STEAP4: variants seen among roughly 807,000 people sequenced by gnomAD.
The protein encoded by STEAP4 is STEAP4 metalloreductase, also known as metalloreductase STEAP4.
A neutral mutation model predicts 43.6 loss-of-function variants in STEAP4; 36 were observed. That is an observed-to-expected ratio of 0.83 (90% CI 0.63 to 1.09). The LOEUF (loss-of-function observed/expected upper bound fraction) is 1.09. Ranked by LOEUF, STEAP4 falls within the 50% of genes least tolerant of loss-of-function variation. STEAP4 has a pLI of 0.00. For missense variants in STEAP4, 495 were observed against 546.5 expected (o/e 0.91, Z 0.94); for synonymous variants, 191 against 196.7 (o/e 0.97, Z 0.24).
At chr7:88,301,632 C>T (rs111291734) in intron 1 of STEAP4, among the ~76,000 whole-genome samples, 372 of 151,676 alleles carry the variant, frequency 2.5e-3, no homozygotes, top group African/African-American at 8.3e-3. Flanking sequence ...CATCCTCTAC[C>T]TCCTGGGTTC....
At chr7:88,290,058 G>T (rs1262451073) in intron 1 of STEAP4, among the ~76,000 whole-genome samples, 1 of 152,070 alleles carries the variant, frequency 6.6e-6, no homozygotes, top group African/African-American at 2.4e-5. Context: ...TTTCATACTG[G>T]ATGAACATTT....
chr7:88,276,655 C>T lies in STEAP4; in HGVS notation c.*2743G>A, dbSNP rs943629701. The T allele has an allele frequency of 6.5e-6, 1 of 152,816 alleles. No individual in the cohort carries two copies. Among genetic ancestry groups the T allele is most frequent in the Non-Finnish European group, 1.5e-5 (1 of 68,026 alleles). 9.5% of individuals were successfully genotyped at this position (152,816 alleles called of 1,614,324 possible). A position where few individuals can be genotyped will look rare whatever the true frequency, so the allele number is the denominator to read the frequency against. On this transcript the variant is annotated 3_prime_UTR_variant, in exon 5 of 5. Coordinates refer to ENST00000380079, the MANE Select transcript of STEAP4 (RefSeq NM_024636.4). The stretch of plus-strand genomic sequence containing the variant: ...AGCACTTATTTTCATCTGTTGTAAA[C>T]TCATTCTTTCTACCTTAAGTAAACT...
At chr7:88,282,424 G>A in intron 3 of STEAP4, 1 of 568,046 alleles carries the variant, frequency 1.8e-6, no homozygotes, top group Non-Finnish European at 3.0e-6. Context: ...TGGGATTATG[G>A]GAGTGAGCCA....
At chr7:88,284,293 G>C (rs2115965104) in intron 1 of STEAP4, 22 bp from the exon 2 acceptor site, 1 of 1,481,902 alleles carries the variant, frequency 6.7e-7, no homozygotes, top group Non-Finnish European at 9.1e-7. Context: ...TAACACAAAT[G>C]CCCAACAAAA....
rs1852482951 is a variant in STEAP4, at chr7:88,274,525, G to GA, written c.*4872dup. 6.6e-6 allele frequency: 1 copy of GA among 152,158 alleles called. No homozygotes were observed. Among genetic ancestry groups the GA allele is most frequent in the Admixed American group, 6.5e-5 (1 of 15,280 alleles). The allele number at this position is 152,158 out of a possible 1,614,324, so 9.4% of individuals were successfully genotyped here. ...AGGAGAGGTAATGCATATGTTACCA[G>GA]AAAGGGGGTCCAATACAGACCCCAA... On this transcript the variant is annotated 3_prime_UTR_variant, in exon 5 of 5. Coordinates refer to ENST00000380079, the MANE Select transcript of STEAP4 (RefSeq NM_024636.4).
rs1424058606 is a variant in STEAP4, at chr7:88,272,006, T to A, written c.*7392A>T. On this transcript the variant is annotated 3_prime_UTR_variant, in exon 5 of 5. Coordinates refer to ENST00000380079, the MANE Select transcript of STEAP4 (RefSeq NM_024636.4). ...ACTCTTTGTATAGTTTCCAGCTGGT[T>A]GGTGTAGTAGTTGTAGTTGGCACTG... 1 of 152,206 alleles carries A rather than the reference T, an allele frequency of 6.6e-6. No homozygotes were observed. The highest frequency in any genetic ancestry group is 1.5e-5 in the Non-Finnish European group (1 of 68,042). The allele number at this position is 152,206 out of a possible 1,614,324, so 9.4% of individuals were successfully genotyped here. A position where few individuals can be genotyped will look rare whatever the true frequency, so the allele number is the denominator to read the frequency against.
intron 2 of STEAP4, 166 bp from the exon 3 acceptor site, chr7:88,283,334 T>C: frequency 2.6e-6 from 2 of 764,728 alleles, no homozygotes; most frequent in Non-Finnish European, 3.9e-6. Flanking sequence ...TTTAAACTTG[T>C]ATGTGGTGTC....
At position 88,278,149 on chromosome 7, in the gene STEAP4, C is replaced by T. The variant is rs1276427484; in HGVS notation, c.*1249G>A. The T allele has an allele frequency of 1.3e-5, 2 of 151,606 alleles. No homozygotes were observed. Among genetic ancestry groups the T allele is most frequent in the Non-Finnish European group, 2.9e-5 (2 of 67,960 alleles). The allele number at this position is 151,606 out of a possible 1,614,324, so 9.4% of individuals were successfully genotyped here. On this transcript the variant is annotated 3_prime_UTR_variant, in exon 5 of 5. Transcript: ENST00000380079. ...TATTTTGATATGTGGGAAGATCATG[C>T]ATAAGGCTCCTTTTAGCTCATTGCT...
intron 1 of STEAP4, among the ~76,000 whole-genome samples, chr7:88,285,735 C>T (rs576303554): frequency 6.4e-5 from 8 of 124,386 alleles, no homozygotes; most frequent in African/African-American, 1.3e-4. Context: ...CCAGCCTGGG[C>T]GACAGAGAGA....
intron 1 of STEAP4, among the ~76,000 whole-genome samples, chr7:88,297,042 G>T (rs890314360): frequency 9.2e-5 from 14 of 152,136 alleles, no homozygotes; most frequent in Non-Finnish European, 1.5e-4. Context: ...AGTGCTGTTT[G>T]CAAGGGCAAT....
chr7:88,296,739 C>T (rs765050584), intron 1 of STEAP4, among the ~76,000 whole-genome samples: 85 of 152,150 alleles, frequency 5.6e-4, no homozygotes, highest in Middle Eastern at 6.8e-3. Flanking sequence ...AAAACACAAA[C>T]GTATCCAATT....
At chr7:88,285,716 C>T (rs1586746120) in intron 1 of STEAP4, among the ~76,000 whole-genome samples, 1 of 135,398 alleles carries the variant, frequency 7.4e-6, no homozygotes. Flanking sequence ...CTCAGGAGGC[C>T]ACAGCACTCC....
chr7:88,298,084 C>T (rs1852956757), intron 1 of STEAP4, among the ~76,000 whole-genome samples: 1 of 151,966 alleles, frequency 6.6e-6, no homozygotes, highest in African/African-American at 2.4e-5. Flanking sequence ...ATAGTGCTAT[C>T]GTGCCATTGT....
intron 1 of STEAP4, among the ~76,000 whole-genome samples, chr7:88,305,491 A>G (rs1853113204): frequency 6.6e-6 from 1 of 152,218 alleles, no homozygotes. Context: ...ATGTTCTCTC[A>G]TGTGAGTGAC....
At chr7:88,287,633 G>T (rs553118995) in intron 1 of STEAP4, among the ~76,000 whole-genome samples, 1 of 152,162 alleles carries the variant, frequency 6.6e-6, no homozygotes, top group Non-Finnish European at 1.5e-5. Flanking sequence ...AGAGGGGATC[G>T]CAGAAGTGGT....
rs909053459 is a variant in STEAP4, at chr7:88,280,896, A to G, written c.1149+19T>C. On this transcript the variant is annotated intron_variant, in intron 4 of 4. Transcript: ENST00000380079. ...GATGGAGCAAAATGAAAAGTTAGGAATGAACTTGAAGTTCTTACCTGGACA... is the reference window on the plus strand; with the variant it reads ...GATGGAGCAAAATGAAAAGTTAGGAGTGAACTTGAAGTTCTTACCTGGACA... The G allele has an allele frequency of 1.3e-6, 2 of 1,541,094 alleles. No homozygotes were observed. The highest frequency in any genetic ancestry group is 1.7e-6 in the Non-Finnish European group (2 of 1,147,336).
At chr7:88,300,212 T>G (rs778725778) in intron 1 of STEAP4, among the ~76,000 whole-genome samples, 8 of 152,196 alleles carry the variant, frequency 5.3e-5, no homozygotes, top group Non-Finnish European at 1.0e-4. Flanking sequence ...AGGTTTTTAT[T>G]TTATTTTAGT....
chr7:88,292,562 A>G (rs1330092772), intron 1 of STEAP4: 1 of 152,156 alleles, frequency 6.6e-6, no homozygotes, highest in African/African-American at 2.4e-5. Context: ...TTATGCCACT[A>G]GAGTACAATA....
chr7:88,303,741 T>A (rs563639066), intron 1 of STEAP4, among the ~76,000 whole-genome samples: 3 of 152,326 alleles, frequency 2.0e-5, no homozygotes, highest in African/African-American at 4.8e-5. Flanking sequence ...GCACAAGGAT[T>A]CATTGTTTTC....
Sources: gnomAD v4.1 joint callset for allele counts (sites outside exome capture counted in the v4.1 genomes callset) on GRCh38, gnomAD v4.1.1 for gene constraint, MANE v1.5 for transcripts, NCBI Gene and HGNC (gene_info 2026-07-23, HGNC 2026-07-21) for gene names.